NALCN: variants seen among roughly 807,000 people sequenced by gnomAD.
NALCN encodes sodium leak channel, non-selective, also known as sodium leak channel NALCN.
Under a neutral mutation model 225.3 loss-of-function variants are expected in NALCN, and 111 were observed. The ratio of observed to expected loss-of-function variants is 0.49; its 90% CI spans 0.42 to 0.58. The LOEUF is 0.58. NALCN is among the 20% of genes least tolerant of loss of function. NALCN has a pLI of 0.00. For missense variants in NALCN, 1,378 were observed against 2,202.4 expected (o/e 0.63, Z 7.49); for synonymous variants, 764 against 769.0 (o/e 0.99, Z 0.11).
At chr13:101,106,517 T>A (rs2035109565) in intron 22 of NALCN, among the ~76,000 whole-genome samples, 1 of 152,212 alleles carries the variant, frequency 6.6e-6, no homozygotes, top group Admixed American at 6.5e-5. Context: ...TTAAAGGTAC[T>A]GATAGGGTTT....
chr13:101,237,597 T>A (rs1021632851), intron 12 of NALCN, among the ~76,000 whole-genome samples, 158 bp downstream of exon 12: 2 of 151,566 alleles, frequency 1.3e-5, no homozygotes, highest in African/African-American at 4.8e-5. Context: ...TTCTAATTTG[T>A]AAGATGTCAT....
chr13:101,340,516 G>A (rs886897216), intron 7 of NALCN, among the ~76,000 whole-genome samples: 2 of 152,092 alleles, frequency 1.3e-5, no homozygotes, highest in East Asian at 1.9e-4. Flanking sequence ...TTTGTTCTAC[G>A]CTACACGTAC....
chr13:101,111,157 G>A lies in NALCN; in HGVS notation c.2262C>T (p.Leu754=), dbSNP rs781457679. Residue 754 remains leucine, a synonymous_variant, in exon 19 of 44, where the codon CTC becomes CTT. Coordinates refer to ENST00000251127, the MANE Select transcript of NALCN (RefSeq NM_052867.4). The part of the protein sequence containing the change: ...EGQPAKERSI[L]SVQHHIRQER... The stretch of plus-strand genomic sequence containing the variant: ...CTTGGCGGATATGATGCTGCACGCT[G>A]AGGATTGACCTCTCCTTTGCGGGCT... 7 of 1,608,402 alleles carry A rather than the reference G, an allele frequency of 4.4e-6. No homozygotes were observed. The Admixed American group carries it at 1.0e-4, about 23-fold the overall frequency.
intron 1 of NALCN, among the ~76,000 whole-genome samples, chr13:101,414,556 T>TAAAA (rs59986447): frequency 0.63 from 95,698 of 151,614 alleles, 30,751 homozygotes; most frequent in African/African-American, 0.68. Flanking sequence ...GCCGGAATGA[T>TAAAA]AAAATCACCT....
At chr13:101,318,438 C>T (rs1450479515) in intron 7 of NALCN, among the ~76,000 whole-genome samples, 3 of 152,174 alleles carry the variant, frequency 2.0e-5, no homozygotes, top group Non-Finnish European at 2.9e-5. Flanking sequence ...ATTATTAGAA[C>T]ACAGTGAAGC....
intron 1 of NALCN, among the ~76,000 whole-genome samples, chr13:101,411,912 A>G (rs184373572): frequency 6.6e-6 from 1 of 152,226 alleles, no homozygotes; most frequent in East Asian, 1.9e-4. Flanking sequence ...AGAATTGTCT[A>G]CTGATATTTT....
intron 15 of NALCN, among the ~76,000 whole-genome samples, chr13:101,153,044 A>G (rs1458862274): frequency 6.6e-6 from 1 of 152,038 alleles, no homozygotes; most frequent in Non-Finnish European, 1.5e-5. Context: ...ATACACTCCC[A>G]TGTAATTTTT....
intron 15 of NALCN, among the ~76,000 whole-genome samples, chr13:101,165,162 G>T (rs1246336355): frequency 6.6e-6 from 1 of 152,172 alleles, no homozygotes; most frequent in Non-Finnish European, 1.5e-5. Context: ...ATGGCAAAAG[G>T]TTGGGTAGCA....
At chr13:101,278,468 A>G (rs2043035390) in intron 10 of NALCN, among the ~76,000 whole-genome samples, 1 of 144,048 alleles carries the variant, frequency 6.9e-6, no homozygotes, top group African/African-American at 2.6e-5. Flanking sequence ...GGTTGCAATG[A>G]GCCAAGATTG....
chr13:101,229,677 T>C lies in NALCN; in HGVS notation c.1435-93A>G, dbSNP rs935181611. On this transcript the variant is annotated intron_variant, in intron 12 of 43. Coordinates refer to ENST00000251127, the MANE Select transcript of NALCN (RefSeq NM_052867.4). ...TTCATACTAAAATATTATTTTATAGTGCTTTATGAAAATCATACCTCTCTA... is the reference window on the plus strand; with the variant it reads ...TTCATACTAAAATATTATTTTATAGCGCTTTATGAAAATCATACCTCTCTA... 6 of 1,052,182 alleles carry C rather than the reference T, an allele frequency of 5.7e-6. No homozygotes were observed. In the East Asian group the frequency reaches 9.2e-5, roughly 16 times the overall value. The allele number at this position is 1,052,182 out of a possible 1,614,324, so 65.2% of individuals were successfully genotyped here.
intron 13 of NALCN, among the ~76,000 whole-genome samples, chr13:101,210,159 A>AG (rs142161408): frequency 1.3e-3 from 195 of 152,220 alleles, no homozygotes; most frequent in African/African-American, 4.4e-3. Context: ...CCATTTGCTT[A>AG]GAGGGGGTCC....
chr13:101,106,989 T>C (rs9300648), intron 22 of NALCN, among the ~76,000 whole-genome samples: 25,107 of 152,126 alleles, frequency 0.17, 2,660 homozygotes, highest in East Asian at 0.3. Context: ...ATTTCTTCCA[T>C]GTTGGTAGGG....
chr13:101,237,507 A>C (rs2041605248), intron 12 of NALCN, among the ~76,000 whole-genome samples: 1 of 151,998 alleles, frequency 6.6e-6, no homozygotes, highest in African/African-American at 2.4e-5. Flanking sequence ...AATTTAGGAA[A>C]AGTAAGTAAA....
intron 13 of NALCN, among the ~76,000 whole-genome samples, chr13:101,196,144 T>G (rs1465887852): frequency 6.6e-6 from 1 of 152,176 alleles, no homozygotes; most frequent in Non-Finnish European, 1.5e-5. Flanking sequence ...CCAATTTAAC[T>G]CACGTTATTT....
chr13:101,127,821 T>G (rs752778242), intron 17 of NALCN, among the ~76,000 whole-genome samples: 2 of 152,260 alleles, frequency 1.3e-5, no homozygotes, highest in Non-Finnish European at 2.9e-5. Flanking sequence ...CCTATAGTGA[T>G]TATCTAGTTA....
In NALCN at chr13:101,124,580, AAT is replaced by A. The variant is rs2036140897; in HGVS notation, c.2192+26_2192+27del. On this transcript the variant is annotated intron_variant, in intron 18 of 43. Transcript: ENST00000251127. Reference sequence around the variant, plus strand: ...ATTAATATAATCCCACTTGTGTTTAAATATGTGTCAACATTAATTGGTGTTAC... The same window carrying A: ...ATTAATATAATCCCACTTGTGTTTAAATGTGTCAACATTAATTGGTGTTAC... 6 of 1,581,596 alleles carry A rather than the reference AAT, an allele frequency of 3.8e-6. No homozygotes were observed. The South Asian group carries it at 4.5e-5, about 12-fold the overall frequency.
chr13:101,110,189 G>A (rs1310218040), intron 20 of NALCN, among the ~76,000 whole-genome samples: 1 of 152,138 alleles, frequency 6.6e-6, no homozygotes, highest in Non-Finnish European at 1.5e-5. Flanking sequence ...GTCCTTGACA[G>A]GAAAATTCTT....
At chr13:101,055,534 CTATTG>C in intron 43 of NALCN, 46 bp from the exon 44 acceptor site, 1 of 1,533,654 alleles carries the variant, frequency 6.5e-7, no homozygotes. Context: ...TTGCTTCACC[CTATTG>C]TAATCACTCC....
chr13:101,381,661 G>A (rs942053371), intron 3 of NALCN, among the ~76,000 whole-genome samples: 2 of 151,902 alleles, frequency 1.3e-5, no homozygotes, highest in African/African-American at 4.8e-5. Flanking sequence ...AACCTAGGCA[G>A]TGTTCAAGAA....
Sources: allele counts gnomAD v4.1 joint callset (sites outside exome capture counted in the v4.1 genomes callset), GRCh38; gene constraint gnomAD v4.1.1; transcripts MANE v1.5; gene names NCBI Gene and HGNC (gene_info 2026-07-23, HGNC 2026-07-21).